RAB34: variants seen among roughly 807,000 people sequenced by gnomAD.
The protein encoded by RAB34 is RAB34, member RAS oncogene family, also known as ras-related protein Rab-34.
In RAB34, 33 loss-of-function variants were observed where a neutral mutation model predicts 39.0. The observed-to-expected ratio is 0.85, with a 90% CI of 0.64 to 1.13. RAB34 has a LOEUF of 1.13. Ranked by LOEUF, RAB34 falls within the 50% of genes most tolerant of loss-of-function variation. The pLI, the probability that RAB34 is intolerant of heterozygous loss-of-function variation, is 0.00. For missense variants in RAB34, 289 were observed against 326.1 expected (o/e 0.89, Z 0.88); for synonymous variants, 135 against 125.1 (o/e 1.08, Z -0.53).
rs776838292 is a variant in RAB34 at position 28,715,180 on chromosome 17, C to A, written c.513+15G>T. On this transcript the variant is annotated intron_variant, in intron 7 of 9. Coordinates refer to ENST00000395245, the MANE Select transcript of RAB34 (RefSeq NM_031934.6). ...CCCTCACCAAGCTGGGAAGTCCCCCCACTGGCACACTCACACTCAGATCCT... is the reference window on the plus strand; with the variant it reads ...CCCTCACCAAGCTGGGAAGTCCCCCAACTGGCACACTCACACTCAGATCCT... The A allele has an allele frequency of 7.4e-6, 12 of 1,613,846 alleles. No individual in the cohort carries two copies. Among genetic ancestry groups the A allele is most frequent in the South Asian group, 3.3e-5 (3 of 91,086 alleles).
chr17:28,718,315 G>T (rs765131794), upstream of RAB34: 11 of 1,493,980 alleles, frequency 7.4e-6, no homozygotes, highest in Middle Eastern at 1.1e-3. Flanking sequence ...CGGGGGTGAG[G>T]ATGGTGGAGG....
intron 2 of RAB34, 163 bp from the exon 3 acceptor site, chr17:28,716,221 A>G: frequency 1.1e-6 from 1 of 885,298 alleles, no homozygotes; most frequent in South Asian, 1.7e-5. Context: ...GCTGGGGAGG[A>G]GGAGTGTTTT....
chr17:28,717,222 C>T lies in RAB34; in HGVS notation c.45G>A (p.Glu15=), dbSNP rs1472270174. 2 of 1,604,490 alleles carry T rather than the reference C, an allele frequency of 1.2e-6. No homozygotes were observed. Among genetic ancestry groups the T allele is most frequent in the African/African-American group, 1.3e-5 (1 of 74,900 alleles). The part of the protein sequence containing the change: ...APVRRDRVLA[E]LPQCLRKEAA... Reference sequence around the variant, plus strand: ...TGGCCCCGGCGCCTACCTGGGGCAGCTCCGCCAGGACGCGATCCCTCCGCA... The same window carrying T: ...TGGCCCCGGCGCCTACCTGGGGCAGTTCCGCCAGGACGCGATCCCTCCGCA... Residue 15 remains glutamate (E), a synonymous_variant, in exon 1 of 10, where the codon GAG becomes GAA. Coordinates refer to ENST00000395245, the MANE Select transcript of RAB34 (RefSeq NM_031934.6).
At chr17:28,716,825 G>C (rs944634894) in intron 2 of RAB34, 78 bp downstream of exon 2, 1 of 1,512,982 alleles carries the variant, frequency 6.6e-7, no homozygotes, top group Non-Finnish European at 8.9e-7. Context: ...AAGCCCCAAG[G>C]GGGTGGTTGT....
chr17:28,715,653 T>A lies in RAB34; in HGVS notation c.367A>T (p.Arg123Ter), dbSNP rs1254632246. 4 of 1,614,050 alleles carry A rather than the reference T, an allele frequency of 2.5e-6. No homozygotes were observed. Among genetic ancestry groups the A allele is most frequent in the Non-Finnish European group, 3.4e-6 (4 of 1,180,008 alleles). The change falls in exon 5 of 10, where the codon AGA (arginine) becomes TGA (stop). Residue 123 changes from arginine (R) to a stop codon, truncating the protein, a stop_gained. Transcript: ENST00000395245. LOFTEE classifies it high-confidence loss of function. ...CCCAGCCCCTTACCTTGAGCTCCTCTATAGTAGGTTGATGCAATGCATTTG... is the reference window on the plus strand; with the variant it reads ...CCCAGCCCCTTACCTTGAGCTCCTCAATAGTAGGTTGATGCAATGCATTTG... ...RFKCIASTYY[R>*]GAQAIIIVFN...
At chr17:28,718,272 T>C (rs1475541504), upstream of RAB34, 4 of 1,539,832 alleles carry the variant, frequency 2.6e-6, no homozygotes, top group Non-Finnish European at 3.5e-6. Flanking sequence ...ACTCATAGAG[T>C]CTGCCCCCTC....
At chr17:28,716,618 A>G (rs2151707691) in intron 2 of RAB34, 1 of 349,828 alleles carries the variant, frequency 2.9e-6, no homozygotes, top group Non-Finnish European at 5.2e-6. Context: ...CTGGGGCTCC[A>G]TGGATGCTAT....
Position 28,717,799 on chromosome 17 carries a change from G to A in RAB34, c.-533C>T. 7.5e-7 allele frequency: 1 copy of A among 1,325,196 alleles called. No homozygotes were observed. 82.1% of individuals were successfully genotyped at this position (1,325,196 alleles called of 1,614,324 possible). A position where few individuals can be genotyped will look rare whatever the true frequency, so the allele number is the denominator to read the frequency against. ...TGCCAAGGCCCGCAGGCCGCTGGAG[G>A]AGGGGGCGAGGGGCCCAGTCCGGCT... On this transcript the variant is annotated 5_prime_UTR_variant, in exon 1 of 10. Coordinates refer to ENST00000395245, the MANE Select transcript of RAB34 (RefSeq NM_031934.6).
At chr17:28,717,943 G>A, upstream of RAB34, 1 of 667,830 alleles carries the variant, frequency 1.5e-6, no homozygotes, top group South Asian at 5.2e-5. Context: ...CTCGCTGCCC[G>A]CCCTCGCCAC....
At chr17:28,716,745 G>T in intron 2 of RAB34, 158 bp downstream of exon 2, 3 of 823,332 alleles carry the variant, frequency 3.6e-6, no homozygotes, top group Non-Finnish European at 5.3e-6. Flanking sequence ...CAACCTTGTT[G>T]GGAGAAAAGG....
rs1436587241 is a variant in RAB34, at chr17:28,715,664, G to A, written c.356C>T (p.Ser119Leu). 2 of 1,613,988 alleles carry A rather than the reference G, an allele frequency of 1.2e-6. No homozygotes were observed. The highest frequency in any genetic ancestry group is 1.7e-6 in the Non-Finnish European group (2 of 1,180,034). The change falls in exon 5 of 10, where the codon TCA becomes TTA. Residue 119 changes from serine to leucine, a missense_variant. By Grantham distance (145) the Ser-to-Leu change is moderately radical. Coordinates refer to ENST00000395245, the MANE Select transcript of RAB34 (RefSeq NM_031934.6). The part of the protein sequence containing the change: ...AGQERFKCIA[S>L]TYYRGAQAII... The stretch of plus-strand genomic sequence containing the variant: ...ACCTTGAGCTCCTCTATAGTAGGTT[G>A]ATGCAATGCATTTGAACCTCTCCTG...
rs907743536 is a variant in RAB34 at position 28,716,420 on chromosome 17, C to T, written c.147-362G>A. On this transcript the variant is annotated intron_variant, in intron 2 of 9. Transcript: ENST00000395245. Reference sequence around the variant, plus strand: ...TGTCCTATATTCTAAGACACCCTCCCCCCCGCATTTTAATGTCTGAAATCA... The same window carrying T: ...TGTCCTATATTCTAAGACACCCTCCTCCCCGCATTTTAATGTCTGAAATCA... The T allele has an allele frequency of 1.4e-5, 4 of 290,340 alleles. No homozygotes were observed. In the South Asian group the frequency reaches 2.6e-4, roughly 19 times the overall value. 18.0% of individuals were successfully genotyped at this position (290,340 alleles called of 1,614,324 possible).
Position 28,717,634 on chromosome 17 carries a change from G to T in RAB34, c.-368C>A, listed in dbSNP as rs1003521582. On this transcript the variant is annotated 5_prime_UTR_variant, in exon 1 of 10. Coordinates refer to ENST00000395245, the MANE Select transcript of RAB34 (RefSeq NM_031934.6). The stretch of plus-strand genomic sequence containing the variant: ...GCCGGATAGTTCCTACGATTACGCG[G>T]GGCCGGATGGTTCCTACAATAACCC... The T allele has an allele frequency of 3.6e-6, 5 of 1,380,652 alleles. No homozygotes were observed. The highest frequency in any genetic ancestry group is 4.7e-6 in the Non-Finnish European group (5 of 1,072,500). The allele number at this position is 1,380,652 out of a possible 1,614,324, so 85.5% of individuals were successfully genotyped here.
upstream of RAB34, chr17:28,718,345 G>T: frequency 7.7e-7 from 1 of 1,290,880 alleles, no homozygotes; most frequent in Non-Finnish European, 1.1e-6. Context: ...CGAAGGGGGT[G>T]CCAGGGTTAG....
At chr17:28,715,547 G>A in intron 5 of RAB34, 40 bp from the exon 6 acceptor site, 1 of 1,614,144 alleles carries the variant, frequency 6.2e-7, no homozygotes, top group Non-Finnish European at 8.5e-7. Flanking sequence ...TGACAGGGAA[G>A]ACACTACTGC....
chr17:28,717,929 A>G (rs1438883500), upstream of RAB34: 4 of 1,327,012 alleles, frequency 3.0e-6, no homozygotes, highest in African/African-American at 4.7e-5. Context: ...TGGCGGCTCC[A>G]GGCCTCGCTG....
At chr17:28,717,144 C>A in intron 1 of RAB34, 69 bp downstream of exon 1, 1 of 1,539,594 alleles carries the variant, frequency 6.5e-7, no homozygotes, top group South Asian at 1.2e-5. Context: ...TCTAACTGGT[C>A]TGGTGCCGCC....
chr17:28,718,422 A>G (rs776264388), upstream of RAB34: 25 of 604,648 alleles, frequency 4.1e-5, no homozygotes, highest in Admixed American at 2.2e-4. Context: ...GCTGCTGTGT[A>G]GATTGTGAGG....
chr17:28,715,936 G>A lies in RAB34; in HGVS notation c.213-35C>T, dbSNP rs111725712. ...TACCAGATGCTGTGATCTGGAGCCA[G>A]CCCACCTGGCTAGGCTTGGCCCCAC... On this transcript the variant is annotated intron_variant, in intron 3 of 9. Transcript: ENST00000395245. 5.2e-5 allele frequency: 84 copies of A among 1,612,442 alleles called. No individual in the cohort carries two copies. The Middle Eastern group carries it at 2.1e-3, about 41-fold the overall frequency.
Sources: allele counts gnomAD v4.1 joint callset, GRCh38; gene constraint gnomAD v4.1.1; transcripts MANE v1.5; gene names NCBI Gene and HGNC (gene_info 2026-07-23, HGNC 2026-07-21).